Variants in SERPINB12 observed in about 807,000 individuals in gnomAD.
SERPINB12 encodes serpin family B member 12.
In SERPINB12, 57 loss-of-function variants were observed where a neutral mutation model predicts 41.1. The observed-to-expected ratio is 1.39, with a 90% confidence interval of 1.12 to 1.73. The LOEUF (loss-of-function observed/expected upper bound fraction) is 1.73. SERPINB12 is among the 40% of genes most tolerant of loss of function. The probability of loss-of-function intolerance (pLI) is 0.00; values close to 1 mark genes in which losing one functional copy is unlikely to be tolerated. For synonymous variants in SERPINB12, 180 were observed against 181.3 expected, an observed-to-expected ratio of 0.99 and a Z score of 0.06; for missense variants, 536 against 501.9, an observed-to-expected ratio of 1.07 and a Z score of -0.65.
chr18:63,544,877 A>G (rs1435882298), intron 1 of SERPINB12, among the ~76,000 whole-genome samples: 4 of 152,190 alleles, frequency 2.6e-5, no homozygotes, highest in East Asian at 3.8e-4. Context: ...GAAAGTGTCT[A>G]TGCTGATATT....
the SERPINB12 span, among the ~76,000 whole-genome samples, chr18:63,532,844 C>T: frequency 6.6e-6 from 1 of 152,138 alleles, no homozygotes; most frequent in African/African-American, 2.4e-5. Flanking sequence ...ACCCCATCGC[C>T]ATTCTTGTTT....
chr18:63,528,616 G>T, the SERPINB12 span, among the ~76,000 whole-genome samples: 1 of 152,088 alleles, frequency 6.6e-6, no homozygotes, highest in Non-Finnish European at 1.5e-5. Flanking sequence ...ACAGACATGT[G>T]TGGCCAAACC....
chr18:63,525,604 T>C, the SERPINB12 span, among the ~76,000 whole-genome samples: 9 of 152,172 alleles, frequency 5.9e-5, no homozygotes, highest in African/African-American at 1.2e-4. Context: ...CGAGTATCTA[T>C]TACTTAATTC....
chr18:63,530,206 T>A, the SERPINB12 span, among the ~76,000 whole-genome samples: 149 of 152,268 alleles, frequency 9.8e-4, no homozygotes, highest in Non-Finnish European at 1.7e-3. Context: ...TTTGGTGACC[T>A]AAGGCTGAAG....
the SERPINB12 span, among the ~76,000 whole-genome samples, chr18:63,520,550 G>A: frequency 6.6e-6 from 1 of 152,166 alleles, no homozygotes; most frequent in African/African-American, 2.4e-5. Flanking sequence ...GCAAGGGGGA[G>A]ACAGACTGAA....
chr18:63,549,591 A>G (rs1340378075), intron 1 of SERPINB12, among the ~76,000 whole-genome samples: 2 of 152,158 alleles, frequency 1.3e-5, no homozygotes, highest in African/African-American at 2.4e-5. Flanking sequence ...ACAGATTTCA[A>G]TGCAATTTGA....
upstream of SERPINB12, among the ~76,000 whole-genome samples, chr18:63,540,448 AC>A (rs1227674878): frequency 6.6e-6 from 1 of 152,146 alleles, no homozygotes; most frequent in African/African-American, 2.4e-5. Flanking sequence ...TTAAAATCCC[AC>A]TGCTGATGGG....
chr18:63,542,897 T>A (rs1039628346), intron 1 of SERPINB12, among the ~76,000 whole-genome samples: 3 of 152,168 alleles, frequency 2.0e-5, no homozygotes, highest in African/African-American at 7.2e-5. Flanking sequence ...GTGGTATTTG[T>A]TTTTCTGTTC....
chr18:63,563,362 G>T (rs1568131581), intron 5 of SERPINB12, among the ~76,000 whole-genome samples: 1 of 152,130 alleles, frequency 6.6e-6, no homozygotes, highest in Non-Finnish European at 1.5e-5. Flanking sequence ...TATATAATTT[G>T]AAAGATAAAC....
rs1911152497 is a variant in SERPINB12 at position 63,567,495 on chromosome 18, C to A, written c.*484C>A. ...GGGATAGTTATGATTGTGGTCATCA[C>A]TGGGCGAGATGCCCTGTTTCTTCCT... On this transcript the variant is annotated 3_prime_UTR_variant, in exon 8 of 8. Coordinates refer to ENST00000382768, the MANE Select transcript of SERPINB12 (RefSeq NM_001307928.2). Among the ~76,000 whole-genome samples the A allele has an allele frequency of 6.6e-6, 1 of 152,142 alleles. No homozygotes were observed. Among genetic ancestry groups the A allele is most frequent in the Non-Finnish European group, 1.5e-5 (1 of 68,008 alleles).
At chr18:63,557,666 G>A (rs537697056) in intron 2 of SERPINB12, among the ~76,000 whole-genome samples, 1 of 152,326 alleles carries the variant, frequency 6.6e-6, no homozygotes, top group Admixed American at 6.5e-5. Flanking sequence ...GCAGAATTCA[G>A]ATGTTCTTTC....
At chr18:63,556,018 C>T in intron 1 of SERPINB12, 124 bp from the exon 2 acceptor site, 1 of 701,906 alleles carries the variant, frequency 1.4e-6, no homozygotes, top group Non-Finnish European at 2.4e-6. Flanking sequence ...CTTAGTTTTC[C>T]AGTTCTTAAT....
intron 1 of SERPINB12, among the ~76,000 whole-genome samples, chr18:63,547,372 C>T (rs1233570244): frequency 1.3e-5 from 2 of 148,622 alleles, no homozygotes; most frequent in Non-Finnish European, 3.0e-5. Flanking sequence ...TTTTTTTTTG[C>T]ACCATAAGTT....
upstream of SERPINB12, among the ~76,000 whole-genome samples, chr18:63,541,971 G>A (rs1910281382): frequency 6.6e-6 from 1 of 152,166 alleles, no homozygotes; most frequent in Admixed American, 6.6e-5. Context: ...TCACAGTTTT[G>A]TCACTACTCA....
intron 1 of SERPINB12, among the ~76,000 whole-genome samples, chr18:63,545,292 A>C (rs1372370244): frequency 6.6e-6 from 1 of 151,774 alleles, no homozygotes; most frequent in East Asian, 1.9e-4. Flanking sequence ...CCCTAGTGTA[A>C]TTCTCTGGCA....
At chr18:63,534,494 C>A in the SERPINB12 span, among the ~76,000 whole-genome samples, 2 of 152,072 alleles carry the variant, frequency 1.3e-5, no homozygotes, top group African/African-American at 4.8e-5. Context: ...TTTTCATGAA[C>A]CGGCATGATA....
At chr18:63,528,439 T>C in the SERPINB12 span, among the ~76,000 whole-genome samples, 3 of 144,526 alleles carry the variant, frequency 2.1e-5, no homozygotes, top group African/African-American at 5.0e-5. Flanking sequence ...CTATAAATCC[T>C]ATCAGGCCAT....
At chr18:63,536,070 A>T in the SERPINB12 span, among the ~76,000 whole-genome samples, 1 of 151,950 alleles carries the variant, frequency 6.6e-6, no homozygotes, top group Non-Finnish European at 1.5e-5. Flanking sequence ...AATGAGACAA[A>T]ATGTTAATAA....
chr18:63,531,822 G>T, the SERPINB12 span, among the ~76,000 whole-genome samples: 2 of 152,126 alleles, frequency 1.3e-5, no homozygotes, highest in African/African-American at 2.4e-5. Context: ...TTGGGGAAAT[G>T]CTGTTATTTA....
Sources: allele counts gnomAD v4.1 joint callset (sites outside exome capture counted in the v4.1 genomes callset), GRCh38; gene constraint gnomAD v4.1.1; transcripts MANE v1.5; gene names NCBI Gene and HGNC (gene_info 2026-07-23, HGNC 2026-07-21).